Variants in YIPF5 observed in about 807,000 individuals in gnomAD.
The protein encoded by YIPF5 is protein YIPF5.
In YIPF5, 8 loss-of-function variants were observed where a neutral mutation model predicts 30.4. The ratio of observed to expected loss-of-function variants is 0.26; its 90% confidence interval spans 0.15 to 0.47. The LOEUF is 0.47. Ranked by LOEUF, YIPF5 falls within the 20% of genes least tolerant of loss-of-function variation. The pLI is 0.99. For synonymous variants in YIPF5, 104 were observed against 107.9 expected, an observed-to-expected ratio of 0.96 and a Z score of 0.23; for missense variants, 282 against 301.8, an observed-to-expected ratio of 0.93 and a Z score of 0.49.
Position 144,158,625 on chromosome 5 carries a change from G to A in YIPF5, c.*1772C>T, listed in dbSNP as rs1407837773. The stretch of plus-strand genomic sequence containing the variant: ...TGAAAAAGACAAATGAATTGAAAAA[G>A]ACAAAAATACTATCCAAGAATTACA... On this transcript the variant is annotated 3_prime_UTR_variant, in exon 6 of 6. Coordinates refer to ENST00000274496, the MANE Select transcript of YIPF5 (RefSeq NM_030799.9). 1 of 1,060,430 alleles carries A rather than the reference G, an allele frequency of 9.4e-7. No individual in the cohort carries two copies. The highest frequency in any genetic ancestry group is 1.7e-5 in the African/African-American group (1 of 57,576). The allele number at this position is 1,060,430 out of a possible 1,614,324, so 65.7% of individuals were successfully genotyped here. A position where few individuals can be genotyped will look rare whatever the true frequency, so the allele number is the denominator to read the frequency against.
Position 144,160,946 on chromosome 5 carries a change from C to T in YIPF5, c.612-387G>A, listed in dbSNP as rs11949809. Among the ~76,000 whole-genome samples, 353 of 152,138 alleles carry T rather than the reference C, an allele frequency of 2.3e-3. 3 individuals are homozygous for T. Among genetic ancestry groups the T allele is most frequent in the African/African-American group, 8.3e-3 (345 of 41,490 alleles). On this transcript the variant is annotated intron_variant, in intron 5 of 5. Transcript: ENST00000274496. ...AAGATATAAGTAGCACCCTTGCCCC[C>T]CATCAGACATTGTCAAATGTCCCCT...
In YIPF5 at chr5:144,160,276, T is replaced by C; in HGVS notation, c.*121A>G. 6.7e-7 allele frequency: 1 copy of C among 1,499,274 alleles called. No homozygotes were observed. The highest frequency in any genetic ancestry group is 1.4e-5 in the South Asian group (1 of 69,916). 92.9% of individuals were successfully genotyped at this position (1,499,274 alleles called of 1,614,324 possible). The stretch of plus-strand genomic sequence containing the variant: ...AGAGATACACGTTTACTTTCATTGC[T>C]CCAACAGTCAAATGTAAATCTGCAT... On this transcript the variant is annotated 3_prime_UTR_variant, in exon 6 of 6. Coordinates refer to ENST00000274496, the MANE Select transcript of YIPF5 (RefSeq NM_030799.9).
Position 144,159,547 on chromosome 5 carries a change from C to T in YIPF5, c.*850G>A. The T allele has an allele frequency of 2.0e-6, 2 of 985,292 alleles. No homozygotes were observed. Among genetic ancestry groups the T allele is most frequent in the Non-Finnish European group, 2.4e-6 (2 of 829,920 alleles). The allele number at this position is 985,292 out of a possible 1,614,324, so 61.0% of individuals were successfully genotyped here. Reference sequence around the variant, plus strand: ...GTATCTCTGAATTTTAGCAAAAATTCCATGAGATAATTTACAGTAATGTCA... The same window carrying T: ...GTATCTCTGAATTTTAGCAAAAATTTCATGAGATAATTTACAGTAATGTCA... On this transcript the variant is annotated 3_prime_UTR_variant, in exon 6 of 6. Coordinates refer to ENST00000274496, the MANE Select transcript of YIPF5 (RefSeq NM_030799.9).
At position 144,160,233 on chromosome 5, in the gene YIPF5, G is replaced by C. The variant is rs1357354504; in HGVS notation, c.*164C>G. ...GGTAAATCCAATATAGTATGCAAAA[G>C]TTCTATAAAAATGAACAAGAGATAC... On this transcript the variant is annotated 3_prime_UTR_variant, in exon 6 of 6. Coordinates refer to ENST00000274496, the MANE Select transcript of YIPF5 (RefSeq NM_030799.9). 7 of 1,440,410 alleles carry C rather than the reference G, an allele frequency of 4.9e-6. No individual in the cohort carries two copies. Among genetic ancestry groups the C allele is most frequent in the African/African-American group, 4.3e-5 (3 of 70,462 alleles). The allele number at this position is 1,440,410 out of a possible 1,614,324, so 89.2% of individuals were successfully genotyped here.
rs775370733 is a variant in YIPF5 at position 144,169,920 on chromosome 5, G to A, written c.36C>T (p.Tyr12=). The change falls in exon 2 of 6, where the codon TAC becomes TAT. Residue 12 remains tyrosine, a synonymous_variant. Coordinates refer to ENST00000274496, the MANE Select transcript of YIPF5 (RefSeq NM_030799.9). The part of the protein sequence containing the change: ...SGFENLNTDF[Y]QTSYSIDDQS... ...GATCATCGATGCTGTAACTTGTCTGGTAGAAATCCGTGTTTAAGTTTTCAA... is the reference window on the plus strand; with the variant it reads ...GATCATCGATGCTGTAACTTGTCTGATAGAAATCCGTGTTTAAGTTTTCAA... The A allele has an allele frequency of 2.7e-5, 43 of 1,614,080 alleles. No homozygotes were observed. Among genetic ancestry groups the A allele is most frequent in the Non-Finnish European group, 3.1e-5 (37 of 1,180,038 alleles).
intron 5 of YIPF5, among the ~76,000 whole-genome samples, chr5:144,161,569 C>T (rs1303581679): frequency 2.6e-5 from 4 of 152,114 alleles, no homozygotes; most frequent in Non-Finnish European, 5.9e-5. Context: ...TGGTCTCAAA[C>T]TCCTGACATC....
chr5:144,168,075 G>C (rs919863006), intron 2 of YIPF5, among the ~76,000 whole-genome samples: 5 of 152,218 alleles, frequency 3.3e-5, no homozygotes, highest in African/African-American at 1.2e-4. Flanking sequence ...TAGCAATAAT[G>C]GTTATATAAT....
Position 144,169,923 on chromosome 5 carries a change from G to C in YIPF5, c.33C>G (p.Phe11Leu). The change falls in exon 2 of 6, where the codon TTC (phenylalanine) becomes TTG (leucine). Residue 11 changes from phenylalanine to leucine, a missense_variant. Coordinates refer to ENST00000274496, the MANE Select transcript of YIPF5 (RefSeq NM_030799.9). Reference protein sequence around the residue: MSGFENLNTDFYQTSYSIDDQ... With the variant: MSGFENLNTDLYQTSYSIDDQ... Reference sequence around the variant, plus strand: ...CATCGATGCTGTAACTTGTCTGGTAGAAATCCGTGTTTAAGTTTTCAAAGC... The same window carrying C: ...CATCGATGCTGTAACTTGTCTGGTACAAATCCGTGTTTAAGTTTTCAAAGC... 1 of 1,614,216 alleles carries C rather than the reference G, an allele frequency of 6.2e-7. No individual in the cohort carries two copies. The highest frequency in any genetic ancestry group is 8.5e-7 in the Non-Finnish European group (1 of 1,180,040).
chr5:144,166,887 G>C (rs560238769), intron 2 of YIPF5, among the ~76,000 whole-genome samples: 2 of 152,246 alleles, frequency 1.3e-5, no homozygotes, highest in African/African-American at 4.8e-5. Flanking sequence ...CAAGTATATA[G>C]AGTGATGAAT....
chr5:144,164,121 G>A lies in YIPF5; in HGVS notation c.419C>T (p.Thr140Ile). 1 of 1,612,480 alleles carries A rather than the reference G, an allele frequency of 6.2e-7. No individual in the cohort carries two copies. The change falls in exon 4 of 6, where the codon ACA becomes ATA. Residue 140 changes from threonine (T) to isoleucine (I), a missense_variant. Physicochemically the swap from Thr to Ile is moderately conservative, Grantham distance 89 (BLOSUM62 -1). Coordinates refer to ENST00000274496, the MANE Select transcript of YIPF5 (RefSeq NM_030799.9). ...AAATGAAAATCTTACCAGTAGCAATGTGGCTCCAAAAGCAAGGCAAAAAAC... is the reference window on the plus strand; with the variant it reads ...AAATGAAAATCTTACCAGTAGCAATATGGCTCCAAAAGCAAGGCAAAAAAC... Reference protein sequence around the residue: ...PMVFCLAFGATLLLAGKIQFG... With the variant: ...PMVFCLAFGAILLLAGKIQFG...
At chr5:144,160,843 G>C (rs949590903) in intron 5 of YIPF5, among the ~76,000 whole-genome samples, 1 of 151,782 alleles carries the variant, frequency 6.6e-6, no homozygotes, top group African/African-American at 2.4e-5. Flanking sequence ...CTGACATTTG[G>C]GCTGGATGCT....
chr5:144,165,903 G>A (rs540669590), intron 2 of YIPF5, among the ~76,000 whole-genome samples: 14 of 152,120 alleles, frequency 9.2e-5, no homozygotes, highest in Non-Finnish European at 2.1e-4. Context: ...AAATGAAAAT[G>A]TAAAAATTGT....
At position 144,159,221 on chromosome 5, in the gene YIPF5, AG is replaced by A. The variant is rs1751956624; in HGVS notation, c.*1175del. Reference sequence around the variant, plus strand: ...CAAAATCAGAGCCTAGTTAAAAAAGAGACAAAGAGAACAGTAGTTTAGTAAA... The same window carrying A: ...CAAAATCAGAGCCTAGTTAAAAAAGAACAAAGAGAACAGTAGTTTAGTAAA... On this transcript the variant is annotated 3_prime_UTR_variant, in exon 6 of 6. Transcript: ENST00000274496. 2 of 983,476 alleles carry A rather than the reference AG, an allele frequency of 2.0e-6. No individual in the cohort carries two copies. Among genetic ancestry groups the A allele is most frequent in the Non-Finnish European group, 1.2e-6 (1 of 828,174 alleles). 60.9% of individuals were successfully genotyped at this position (983,476 alleles called of 1,614,324 possible). A position where few individuals can be genotyped will look rare whatever the true frequency, so the allele number is the denominator to read the frequency against.
rs1752068861 is a variant in YIPF5, at chr5:144,162,231, T to C, written c.598A>G (p.Ile200Val). The C allele has an allele frequency of 2.5e-6, 4 of 1,613,816 alleles. No individual in the cohort carries two copies. The South Asian group carries it at 3.3e-5, about 13-fold the overall frequency. The change falls in exon 5 of 6, where the codon ATA (isoleucine) becomes GTA (valine). Residue 200 changes from isoleucine to valine, a missense_variant. Ile to Val is a conservative substitution (Grantham distance 29, BLOSUM62 3). Transcript: ENST00000274496. ...AACAGTACTTACTGCAAAGAAAATA[T>C]CACTGCAAAGCTGGAAAGTAGGATC... is the stretch of plus-strand genomic sequence containing the variant. ...PMILLSSFAV[I>V]FSLQGMVGII...
chr5:144,167,110 T>C (rs1244266629), intron 2 of YIPF5, among the ~76,000 whole-genome samples: 1 of 152,164 alleles, frequency 6.6e-6, no homozygotes, highest in African/African-American at 2.4e-5. Flanking sequence ...GCCTAAATTT[T>C]GAGAGTTGCT....
chr5:144,170,077 C>T, intron 1 of YIPF5, 112 bp from the exon 2 acceptor site: 1 of 802,390 alleles, frequency 1.2e-6, no homozygotes. Flanking sequence ...TTCAGTAATT[C>T]GGAGAGGGGA....
At position 144,170,646 on chromosome 5, in the gene YIPF5, A is replaced by T. The variant is rs1752355683; in HGVS notation, c.-122T>A. ...CCCCGTTGCTACGTGTCACAGGGCC[A>T]AAGAACGGCTTCCGGGGCACGCCCG... On this transcript the variant is annotated 5_prime_UTR_variant, in exon 1 of 6. Transcript: ENST00000274496. The T allele has an allele frequency of 1.3e-5, 2 of 152,542 alleles. No individual in the cohort carries two copies. 9.4% of individuals were successfully genotyped at this position (152,542 alleles called of 1,614,324 possible).
At chr5:144,164,057 A>G (rs1461844827) in intron 4 of YIPF5, 54 bp downstream of exon 4, 26 of 1,590,512 alleles carry the variant, frequency 1.6e-5, no homozygotes, top group Non-Finnish European at 2.1e-5. Flanking sequence ...AGAACATTTA[A>G]AATTTAAAGG....
In YIPF5 at chr5:144,160,205, G is replaced by A. The variant is rs1041184804; in HGVS notation, c.*192C>T. ...ACAAACATTTAAAGCTAGTCACACCGCAGGTAAATCCAATATAGTATGCAA... is the reference window on the plus strand; with the variant it reads ...ACAAACATTTAAAGCTAGTCACACCACAGGTAAATCCAATATAGTATGCAA... On this transcript the variant is annotated 3_prime_UTR_variant, in exon 6 of 6. Coordinates refer to ENST00000274496, the MANE Select transcript of YIPF5 (RefSeq NM_030799.9). 1.3e-5 allele frequency: 17 copies of A among 1,330,234 alleles called. No homozygotes were observed. Among genetic ancestry groups the A allele is most frequent in the South Asian group, 4.8e-5 (2 of 41,256 alleles). The allele number at this position is 1,330,234 out of a possible 1,614,324, so 82.4% of individuals were successfully genotyped here.
Sources: allele counts gnomAD v4.1 joint callset (sites outside exome capture counted in the v4.1 genomes callset), GRCh38; gene constraint gnomAD v4.1.1; transcripts MANE v1.5; gene names NCBI Gene and HGNC (gene_info 2026-07-23, HGNC 2026-07-21).